TIPIN: variants seen among roughly 807,000 people sequenced by gnomAD.
TIPIN encodes TIMELESS interacting protein.
A neutral mutation model predicts 35.6 loss-of-function variants in TIPIN; 29 were observed. The ratio of observed to expected loss-of-function variants is 0.82; its 90% CI spans 0.61 to 1.11. The LOEUF is 1.11. Among genes scored for constraint, TIPIN ranks in the 50% most tolerant of loss-of-function variants. The probability of loss-of-function intolerance (pLI) is 0.00; values close to 1 mark genes in which losing one functional copy is unlikely to be tolerated. For synonymous variants in TIPIN, 102 were observed against 121.5 expected (o/e 0.84, Z 1.06); for missense variants, 296 against 345.4 (o/e 0.86, Z 1.13).
chr15:66,349,210 C>A, intron 5 of TIPIN, 87 bp from the exon 6 acceptor site: 3 of 1,596,178 alleles, frequency 1.9e-6, no homozygotes, highest in South Asian at 2.2e-5. Flanking sequence ...CCCTCTCTAC[C>A]AAAAGAGATT....
intron 1 of TIPIN, among the ~76,000 whole-genome samples, chr15:66,373,928 C>A (rs536432382): frequency 8.3e-4 from 127 of 152,166 alleles, no homozygotes; most frequent in African/African-American, 3.0e-3. Flanking sequence ...GTCTTGAACT[C>A]CTGGGCTCAA....
At chr15:66,363,567 G>C (rs1208022197) in intron 1 of TIPIN, among the ~76,000 whole-genome samples, 1 of 151,954 alleles carries the variant, frequency 6.6e-6, no homozygotes, top group East Asian at 1.9e-4. Context: ...GCGTGAACCT[G>C]GGAGGCGGAG....
intron 1 of TIPIN, among the ~76,000 whole-genome samples, chr15:66,381,389 A>T (rs923671002): frequency 2.0e-5 from 3 of 152,138 alleles, no homozygotes; most frequent in South Asian, 2.1e-4. Flanking sequence ...AGTGAGCCCC[A>T]ATTGCGCCAC....
chr15:66,377,613 T>G (rs1013342458), intron 1 of TIPIN, among the ~76,000 whole-genome samples: 2 of 152,214 alleles, frequency 1.3e-5, no homozygotes, highest in African/African-American at 4.8e-5. Flanking sequence ...TCCACCCATC[T>G]TGGCCTCCCA....
At chr15:66,349,569 T>C (rs988086454) in intron 4 of TIPIN, 132 bp from the exon 5 acceptor site, 10 of 1,199,596 alleles carry the variant, frequency 8.3e-6, no homozygotes, top group Non-Finnish European at 1.0e-5. Context: ...GAAAAACTTA[T>C]AAAAGGAACT....
intron 1 of TIPIN, among the ~76,000 whole-genome samples, chr15:66,363,069 G>T (rs181018307): frequency 6.6e-6 from 1 of 152,202 alleles, no homozygotes; most frequent in Non-Finnish European, 1.5e-5. Flanking sequence ...GCAAATGATG[G>T]GGGGAAGATC....
intron 1 of TIPIN, among the ~76,000 whole-genome samples, chr15:66,366,296 A>G (rs1311409477): frequency 6.6e-6 from 1 of 151,862 alleles, no homozygotes; most frequent in African/African-American, 2.4e-5. Flanking sequence ...TCTACTAAAA[A>G]TGCAAAAATT....
At chr15:66,386,558 C>T (rs1005465580) in intron 1 of TIPIN, 4 of 160,320 alleles carry the variant, frequency 2.5e-5, no homozygotes, top group Non-Finnish European at 5.5e-5. Context: ...ATTTCATTTT[C>T]GTCAACACGG....
intron 7 of TIPIN, among the ~76,000 whole-genome samples, chr15:66,340,177 T>A (rs1349351748): frequency 7.6e-6 from 1 of 131,470 alleles, no homozygotes; most frequent in African/African-American, 3.0e-5. Context: ...TGGCCTTTTT[T>A]TTTTTTTTTT....
chr15:66,346,367 T>C (rs1306356533), intron 6 of TIPIN, among the ~76,000 whole-genome samples: 2 of 151,702 alleles, frequency 1.3e-5, no homozygotes, highest in Non-Finnish European at 2.9e-5. Flanking sequence ...GCCTGACCTC[T>C]ACTGTTCATT....
chr15:66,381,991 G>T (rs567298615), intron 1 of TIPIN, among the ~76,000 whole-genome samples: 29 of 152,086 alleles, frequency 1.9e-4, no homozygotes, highest in African/African-American at 7.0e-4. Context: ...CTTGAACCTG[G>T]AAGGCAGAGG....
intron 1 of TIPIN, chr15:66,379,179 G>T: frequency 9.8e-7 from 1 of 1,022,530 alleles, no homozygotes; most frequent in Non-Finnish European, 1.4e-6. Context: ...ATGAGCCACT[G>T]TGCCTGGCCT....
rs754026817 is a variant in TIPIN at position 66,337,008 on chromosome 15, C to T, written c.856G>A (p.Val286Met). The change falls in exon 8 of 8, where the codon GTG becomes ATG. Residue 286 changes from valine to methionine, a missense_variant. Coordinates refer to ENST00000261881, the MANE Select transcript of TIPIN (RefSeq NM_017858.3). ...GATGTAGCATCAAGTTGCTGTTGCA[C>T]ATTTTTAAAAGACTGGTCCAGCAGT... Reference protein sequence around the residue: ...ETLLDQSFKNVQQQLDATSRN... With the variant: ...ETLLDQSFKNMQQQLDATSRN... The T allele has an allele frequency of 1.9e-6, 3 of 1,613,596 alleles. No individual in the cohort carries two copies. The African/African-American group carries it at 4.0e-5, about 22-fold the overall frequency.
intron 6 of TIPIN, among the ~76,000 whole-genome samples, chr15:66,342,457 A>G (rs1289681473): frequency 3.3e-5 from 5 of 151,994 alleles, no homozygotes; most frequent in Non-Finnish European, 5.9e-5. Flanking sequence ...TCCGCCTCCC[A>G]GATTCATGTG....
At chr15:66,377,700 G>A (rs1257040731) in intron 1 of TIPIN, among the ~76,000 whole-genome samples, 2 of 150,318 alleles carry the variant, frequency 1.3e-5, no homozygotes, top group Admixed American at 6.6e-5. Context: ...TTGGAGTCTC[G>A]CTCTGTTGCC....
At chr15:66,348,582 G>T (rs756001901) in intron 6 of TIPIN, among the ~76,000 whole-genome samples, 6 of 151,650 alleles carry the variant, frequency 4.0e-5, no homozygotes, top group Non-Finnish European at 8.8e-5. Context: ...CAGCTACTCA[G>T]GAGGCTGAGG....
chr15:66,346,488 C>T (rs2093126845), intron 6 of TIPIN, among the ~76,000 whole-genome samples: 1 of 152,114 alleles, frequency 6.6e-6, no homozygotes, highest in South Asian at 2.1e-4. Context: ...GGACATGTAA[C>T]TATGCTCTCC....
At chr15:66,377,703 C>G (rs1412486849) in intron 1 of TIPIN, among the ~76,000 whole-genome samples, 1 of 150,926 alleles carries the variant, frequency 6.6e-6, no homozygotes, top group Non-Finnish European at 1.5e-5. Context: ...GAGTCTCGCT[C>G]TGTTGCCCAG....
chr15:66,339,469 T>C (rs62627328), intron 7 of TIPIN, among the ~76,000 whole-genome samples: 2,113 of 152,248 alleles, frequency 0.014, 27 homozygotes, highest in South Asian at 0.041. Flanking sequence ...AAGAAAGATA[T>C]ACGCAATCCT....
Sources: gnomAD v4.1 joint callset for allele counts (sites outside exome capture counted in the v4.1 genomes callset) on GRCh38, gnomAD v4.1.1 for gene constraint, MANE v1.5 for transcripts, NCBI Gene and HGNC (gene_info 2026-07-23, HGNC 2026-07-21) for gene names.